Variants in CAMK1D observed in about 807,000 individuals in gnomAD.
CAMK1D encodes calcium/calmodulin dependent protein kinase ID.
CAMK1D carries 9 observed loss-of-function variants against 47.7 expected under a neutral mutation model. The ratio of observed to expected loss-of-function variants is 0.19; its 90% CI spans 0.11 to 0.33. The LOEUF is 0.33. CAMK1D is among the 10% of genes least tolerant of loss of function. The pLI, the probability that CAMK1D is intolerant of heterozygous loss-of-function variation, is 1.00. For missense variants in CAMK1D, 291 were observed against 488.7 expected (o/e 0.60, Z 3.81); for synonymous variants, 184 against 184.9 (o/e 0.99, Z 0.04).
intron 2 of CAMK1D, among the ~76,000 whole-genome samples, chr10:12,649,695 G>A (rs560025684): frequency 6.6e-6 from 1 of 152,060 alleles, no homozygotes; most frequent in East Asian, 1.9e-4. Flanking sequence ...TTGGTGAAAA[G>A]AATAATGAAG....
At chr10:12,516,777 C>G (rs1384594868) in intron 1 of CAMK1D, among the ~76,000 whole-genome samples, 2 of 152,202 alleles carry the variant, frequency 1.3e-5, no homozygotes, top group Admixed American at 6.5e-5. Context: ...TGTTTGCCAT[C>G]TGTATATCTT....
At chr10:12,581,117 TTA>T (rs1015781019) in intron 2 of CAMK1D, among the ~76,000 whole-genome samples, 9 of 152,160 alleles carry the variant, frequency 5.9e-5, no homozygotes, top group Non-Finnish European at 1.3e-4. Context: ...TAGCTCCCAC[TTA>T]TGAGTGAGAA....
At chr10:12,804,271 CAA>C (rs1838615096) in intron 6 of CAMK1D, among the ~76,000 whole-genome samples, 1 of 152,204 alleles carries the variant, frequency 6.6e-6, no homozygotes, top group Admixed American at 6.5e-5. Context: ...ATATTTCACA[CAA>C]AGTATTTCTT....
intron 3 of CAMK1D, among the ~76,000 whole-genome samples, chr10:12,750,216 C>T (rs2130872360): frequency 6.6e-6 from 1 of 152,244 alleles, no homozygotes; most frequent in South Asian, 2.1e-4. Flanking sequence ...TTTGATTACC[C>T]TGCCCTGTCC....
intron 1 of CAMK1D, among the ~76,000 whole-genome samples, chr10:12,525,913 A>G (rs569733317): frequency 1.3e-5 from 2 of 152,058 alleles, no homozygotes; most frequent in Non-Finnish European, 2.9e-5. Flanking sequence ...GCTTGCCATC[A>G]TGACTGATTT....
chr10:12,805,724 A>C (rs1838699696), intron 6 of CAMK1D, among the ~76,000 whole-genome samples: 1 of 152,212 alleles, frequency 6.6e-6, no homozygotes, highest in African/African-American at 2.4e-5. Context: ...GGTGGGCTGG[A>C]CTGTGAAGAA....
chr10:12,813,582 G>T (rs1007314140), intron 6 of CAMK1D, among the ~76,000 whole-genome samples: 1 of 152,112 alleles, frequency 6.6e-6, no homozygotes, highest in Admixed American at 6.6e-5. Context: ...ATTCTGTGCA[G>T]AGAGTTAAGG....
intron 1 of CAMK1D, among the ~76,000 whole-genome samples, chr10:12,483,746 G>C (rs193051441): frequency 6.6e-6 from 1 of 152,182 alleles, no homozygotes; most frequent in East Asian, 1.9e-4. Flanking sequence ...GAGTGCAGTG[G>C]CGTGATCTCG....
At position 12,769,679 on chromosome 10, in the gene CAMK1D, A is replaced by C; in HGVS notation, c.445A>C (p.Asn149His). Reference sequence around the variant, plus strand: ...TTTCTTATTTTCTTTCTAGCCCGAAAATCTCTTGTACTACAGTCAAGATGA... The same window carrying C: ...TTTCTTATTTTCTTTCTAGCCCGAACATCTCTTGTACTACAGTCAAGATGA... ...GIVHRDLKPE[N>H]LLYYSQDEES... is the part of the protein sequence containing the mutation. Residue 149 changes from asparagine to histidine, a missense_variant, in exon 5 of 11, where the codon AAT becomes CAT. Physicochemically the swap from Asn to His is moderately conservative, Grantham distance 68 (BLOSUM62 1). Around this residue, in one of 2 missense-constraint regions of CAMK1D, gnomAD observed 219 missense variants for 424.3 expected, o/e 0.52. Coordinates refer to ENST00000619168, the MANE Select transcript of CAMK1D (RefSeq NM_153498.4). The C allele has an allele frequency of 6.2e-7, 1 of 1,613,882 alleles. No individual in the cohort carries two copies. The highest frequency in any genetic ancestry group is 8.5e-7 in the Non-Finnish European group (1 of 1,179,892).
chr10:12,447,763 C>T (rs929992289), intron 1 of CAMK1D, among the ~76,000 whole-genome samples: 1 of 152,228 alleles, frequency 6.6e-6, no homozygotes, highest in African/African-American at 2.4e-5. Context: ...CTCTTGGACT[C>T]AAGTGATCCT....
intron 1 of CAMK1D, among the ~76,000 whole-genome samples, chr10:12,410,323 C>T (rs1839612186): frequency 1.3e-5 from 2 of 152,112 alleles, no homozygotes; most frequent in Non-Finnish European, 2.9e-5. Flanking sequence ...GAGTGTGTAT[C>T]TCTCTGTGTG....
intron 3 of CAMK1D, among the ~76,000 whole-genome samples, chr10:12,718,916 T>C (rs1834260913): frequency 6.6e-6 from 1 of 152,238 alleles, no homozygotes; most frequent in South Asian, 2.1e-4. Flanking sequence ...CTGTAAGTCA[T>C]GTACTGCTCA....
intron 1 of CAMK1D, among the ~76,000 whole-genome samples, chr10:12,552,522 G>A (rs2815630): frequency 0.83 from 126,585 of 152,068 alleles, 52,814 homozygotes; most frequent in East Asian, 0.9. Flanking sequence ...TGACTTTCTA[G>A]TCTGTTTGGA....
intron 1 of CAMK1D, among the ~76,000 whole-genome samples, chr10:12,500,103 T>C (rs1564374932): frequency 1.3e-5 from 2 of 152,034 alleles, no homozygotes; most frequent in East Asian, 1.9e-4. Flanking sequence ...CTGTCTCTAC[T>C]AAAAATACAA....
intron 2 of CAMK1D, among the ~76,000 whole-genome samples, chr10:12,645,314 C>T (rs77578070): frequency 0.013 from 1,908 of 152,218 alleles, 39 homozygotes; most frequent in South Asian, 0.11. Context: ...TTTGTTTATA[C>T]TTATGGAAGA....
intron 3 of CAMK1D, among the ~76,000 whole-genome samples, chr10:12,749,586 T>G: frequency 7.4e-6 from 1 of 135,136 alleles, no homozygotes. Context: ...TTTGATGAAG[T>G]CTCGCTCTGT....
intron 1 of CAMK1D, among the ~76,000 whole-genome samples, chr10:12,544,131 A>G (rs1052490982): frequency 2.6e-5 from 4 of 152,226 alleles, no homozygotes; most frequent in Non-Finnish European, 5.9e-5. Flanking sequence ...GAAGGATTCA[A>G]CTTTTGCAAT....
At chr10:12,770,435 C>CT (rs140339479) in intron 5 of CAMK1D, among the ~76,000 whole-genome samples, 39,767 of 152,072 alleles carry the variant, frequency 0.26, 5,857 homozygotes, top group Middle Eastern at 0.39. Flanking sequence ...CATTAGAATA[C>CT]TTGTGATTGT....
intron 2 of CAMK1D, among the ~76,000 whole-genome samples, chr10:12,564,147 GTCTCTCTCTCTCTCTCTCTC>G (rs56063700): frequency 9.3e-5 from 13 of 139,622 alleles, no homozygotes; most frequent in South Asian, 4.8e-4. Context: ...CTCTCTCTCT[GTCTCTCTCTCTCTCTCTCTC>G]TCTCTCTCTC....
Sources: gnomAD v4.1 joint callset for allele counts (sites outside exome capture counted in the v4.1 genomes callset) on GRCh38, gnomAD v4.1.1 for gene constraint, gnomAD v4.1.1 regional missense constraint, MANE v1.5 for transcripts, NCBI Gene and HGNC (gene_info 2026-07-23, HGNC 2026-07-21) for gene names.